NDRG1: variants seen among roughly 807,000 people sequenced by gnomAD.
The protein encoded by NDRG1 is N-myc downstream regulated 1.
In NDRG1, 32 loss-of-function variants were observed where a neutral mutation model predicts 56.9. That is an observed-to-expected ratio of 0.56 (90% CI 0.42 to 0.76). NDRG1 has a LOEUF of 0.76. Ranked by LOEUF, NDRG1 falls within the 30% of genes least tolerant of loss-of-function variation. The pLI is 0.00. For synonymous variants in NDRG1, 211 were observed against 204.1 expected, an observed-to-expected ratio of 1.03 and a Z score of -0.29; for missense variants, 507 against 545.7, an observed-to-expected ratio of 0.93 and a Z score of 0.71.
intron 3 of NDRG1, among the ~76,000 whole-genome samples, chr8:133,274,817 A>G (rs1444336797): frequency 2.6e-5 from 4 of 152,158 alleles, no homozygotes; most frequent in African/African-American, 9.7e-5. Flanking sequence ...CCCTGGGCTC[A>G]ATGTGGCTCA....
At chr8:133,294,423 TC>T (rs1181488625) in intron 1 of NDRG1, among the ~76,000 whole-genome samples, 1 of 152,068 alleles carries the variant, frequency 6.6e-6, no homozygotes, top group Non-Finnish European at 1.5e-5. Context: ...CCAGGCTGAG[TC>T]AAACCTGAAC....
Position 133,238,793 on chromosome 8 carries a change from A to G in NDRG1, c.*85T>C, listed in dbSNP as rs916640572. On this transcript the variant is annotated 3_prime_UTR_variant, in exon 16 of 16. Coordinates refer to ENST00000323851, the MANE Select transcript of NDRG1 (RefSeq NM_006096.4). ...GGATTAATACCGAGTTAGGCGCAGT[A>G]TGGCAGGCAGGGGGCGAAAAGGGGC... 1.3e-5 allele frequency: 18 copies of G among 1,428,638 alleles called. No individual in the cohort carries two copies. Among genetic ancestry groups the G allele is most frequent in the Non-Finnish European group, 1.7e-5 (18 of 1,066,228 alleles). 88.5% of individuals were successfully genotyped at this position (1,428,638 alleles called of 1,614,324 possible).
At chr8:133,274,001 A>G (rs959539710) in intron 3 of NDRG1, among the ~76,000 whole-genome samples, 3 of 152,180 alleles carry the variant, frequency 2.0e-5, no homozygotes, top group African/African-American at 4.8e-5. Flanking sequence ...TGCAACCCGG[A>G]CACCTAGGCC....
intron 1 of NDRG1, among the ~76,000 whole-genome samples, chr8:133,296,162 A>C (rs1307963545): frequency 6.6e-6 from 1 of 151,934 alleles, no homozygotes; most frequent in Non-Finnish European, 1.5e-5. Flanking sequence ...GCTGAATCAG[A>C]GACCGCGGCG....
In NDRG1 at chr8:133,238,186, T is replaced by A; in HGVS notation, c.*692A>T. The A allele has an allele frequency of 4.3e-6, 1 of 233,070 alleles. No individual in the cohort carries two copies. Among genetic ancestry groups the A allele is most frequent in the Admixed American group, 5.6e-5 (1 of 17,786 alleles). 14.4% of individuals were successfully genotyped at this position (233,070 alleles called of 1,614,324 possible). On this transcript the variant is annotated 3_prime_UTR_variant, in exon 16 of 16. Coordinates refer to ENST00000323851, the MANE Select transcript of NDRG1 (RefSeq NM_006096.4). ...TTGTCTGTAAAGCCAGGAGATTTTG[T>A]CGCCTGCTTTTGCTGCACATTAAGA...
At chr8:133,272,917 G>C (rs1857266018) in intron 3 of NDRG1, among the ~76,000 whole-genome samples, 1 of 152,208 alleles carries the variant, frequency 6.6e-6, no homozygotes, top group Non-Finnish European at 1.5e-5. Flanking sequence ...ATTAGCAAAA[G>C]GTCACCATTT....
At chr8:133,287,864 A>G (rs1465854620) in intron 1 of NDRG1, among the ~76,000 whole-genome samples, 2 of 152,228 alleles carry the variant, frequency 1.3e-5, no homozygotes, top group East Asian at 1.9e-4. Flanking sequence ...AGCTGATTTT[A>G]GTAATTCCTA....
At chr8:133,249,827 T>C (rs979413613) in intron 10 of NDRG1, among the ~76,000 whole-genome samples, 2 of 152,224 alleles carry the variant, frequency 1.3e-5, no homozygotes, top group African/African-American at 4.8e-5. Flanking sequence ...ATAAACACTA[T>C]GAGGCTCATT....
Position 133,238,701 on chromosome 8 carries a change from G to T in NDRG1, c.*177C>A. 3 of 762,528 alleles carry T rather than the reference G, an allele frequency of 3.9e-6. No homozygotes were observed. Among genetic ancestry groups the T allele is most frequent in the Non-Finnish European group, 6.1e-6 (3 of 488,766 alleles). 47.2% of individuals were successfully genotyped at this position (762,528 alleles called of 1,614,324 possible). ...TTTGGTCCACCGCCACCCCGCCTTT[G>T]GAGAGGGCACCCACGTAATAGACCT... is the stretch of plus-strand genomic sequence containing the variant. On this transcript the variant is annotated 3_prime_UTR_variant, in exon 16 of 16. Transcript: ENST00000323851.
At chr8:133,248,034 G>A in intron 11 of NDRG1, 108 bp from the exon 12 acceptor site, 2 of 1,095,852 alleles carry the variant, frequency 1.8e-6, no homozygotes, top group East Asian at 2.4e-5. Context: ...TGTCATTTTG[G>A]TTTCCCCAAC....
chr8:133,258,809 A>C (rs934654540), intron 6 of NDRG1, among the ~76,000 whole-genome samples: 3 of 152,248 alleles, frequency 2.0e-5, no homozygotes, highest in Admixed American at 6.5e-5. Context: ...ACAGAGAGGA[A>C]CACTGGAAAA....
chr8:133,258,975 T>G, intron 6 of NDRG1, 193 bp downstream of exon 6: 1 of 666,092 alleles, frequency 1.5e-6, no homozygotes, highest in Non-Finnish European at 2.7e-6. Context: ...AAAACTGAAG[T>G]TAGAGGAGAC....
At chr8:133,247,709 A>G (rs1433737479) in intron 12 of NDRG1, among the ~76,000 whole-genome samples, 166 bp downstream of exon 12, 2 of 152,194 alleles carry the variant, frequency 1.3e-5, no homozygotes, top group African/African-American at 4.8e-5. Flanking sequence ...AGGGAAAGAG[A>G]CTGAGTGGCT....
intron 2 of NDRG1, among the ~76,000 whole-genome samples, chr8:133,282,759 C>T (rs573500116): frequency 1.3e-5 from 2 of 152,294 alleles, no homozygotes; most frequent in Admixed American, 1.3e-4. Flanking sequence ...CAAAGTTGAG[C>T]AGTTGCAACA....
intron 3 of NDRG1, among the ~76,000 whole-genome samples, chr8:133,278,595 T>A (rs1857590169): frequency 6.6e-6 from 1 of 152,054 alleles, no homozygotes; most frequent in Non-Finnish European, 1.5e-5. Flanking sequence ...CAGAGCTAGG[T>A]GTGGCTCCCA....
At chr8:133,288,914 C>T (rs763716356) in intron 1 of NDRG1, among the ~76,000 whole-genome samples, 4 of 152,310 alleles carry the variant, frequency 2.6e-5, no homozygotes, top group Non-Finnish European at 5.9e-5. Context: ...CAGCCTGTAT[C>T]TTCACTTCTT....
At position 133,238,993 on chromosome 8, in the gene NDRG1, C is replaced by G. The variant is rs1290016868; in HGVS notation, c.1070G>C (p.Ser357Thr). ...GTGCGAGCGGCTGCGGGTGCCCTCG[C>G]TGGTGTGGGAGCGGCTTCGGGTGCC... ...SEGTRSRSHT[S>T]EGTRSRSHTS... Residue 357 changes from serine to threonine, a missense_variant, in exon 16 of 16, where the codon AGC becomes ACC. Transcript: ENST00000323851. The G allele has an allele frequency of 6.3e-7, 1 of 1,595,040 alleles. No homozygotes were observed. Among genetic ancestry groups the G allele is most frequent in the Admixed American group, 1.8e-5 (1 of 57,010 alleles).
Position 133,250,490 on chromosome 8 carries a change from C to T in NDRG1, c.648G>A (p.Val216=), listed in dbSNP as rs2130698643. The T allele has an allele frequency of 6.2e-7, 1 of 1,614,146 alleles. No homozygotes were observed. The highest frequency in any genetic ancestry group is 8.5e-7 in the Non-Finnish European group (1 of 1,180,036). Residue 216 remains valine, a synonymous_variant, in exon 10 of 16, where the codon GTG becomes GTA. Transcript: ENST00000323851. ...EVVHTYRQHI[V]NDMNPGNLHL... ...GCAGGTTGCCGGGGTTCATGTCATTCACAATGTGCTGGCGGTAGGTGTGGA... is the reference window on the plus strand; with the variant it reads ...GCAGGTTGCCGGGGTTCATGTCATTTACAATGTGCTGGCGGTAGGTGTGGA...
At chr8:133,258,574 A>G (rs1856501085) in intron 6 of NDRG1, 148 bp from the exon 7 acceptor site, 2 of 790,896 alleles carry the variant, frequency 2.5e-6, no homozygotes, top group South Asian at 1.5e-5. Flanking sequence ...TGAGGTCACC[A>G]TGCTTTAGGA....
Sources: allele counts gnomAD v4.1 joint callset (sites outside exome capture counted in the v4.1 genomes callset), GRCh38; gene constraint gnomAD v4.1.1; transcripts MANE v1.5; gene names NCBI Gene and HGNC (gene_info 2026-07-23, HGNC 2026-07-21).